Variants in CDH2 observed in about 807,000 individuals in gnomAD.
The protein encoded by CDH2 is cadherin 2, also known as cadherin-2.
CDH2 carries 17 observed loss-of-function variants against 92.0 expected under a neutral mutation model. That is an observed-to-expected ratio of 0.18 (90% CI 0.13 to 0.28). CDH2 has a LOEUF of 0.28. Among genes scored for constraint, CDH2 ranks in the 10% least tolerant of loss-of-function variants. CDH2 has a pLI of 1.00. For synonymous variants in CDH2, 419 were observed against 415.9 expected (o/e 1.01, Z -0.09); for missense variants, 862 against 1,133.1 (o/e 0.76, Z 3.44).
At chr18:27,989,504 A>G (rs1324003114) in intron 10 of CDH2, among the ~76,000 whole-genome samples, 1 of 152,224 alleles carries the variant, frequency 6.6e-6, no homozygotes, top group East Asian at 1.9e-4. Context: ...TTAATGAAAT[A>G]TAAGTTCATT....
At chr18:27,952,509 G>GAGAT in intron 15 of CDH2, 150 bp from the exon 16 acceptor site, 1 of 653,656 alleles carries the variant, frequency 1.5e-6, no homozygotes, top group Non-Finnish European at 2.6e-6. Flanking sequence ...ATGGAAAAGG[G>GAGAT]AGATATAACC....
chr18:27,998,015 C>T (rs1244594356), intron 7 of CDH2, among the ~76,000 whole-genome samples: 1 of 151,966 alleles, frequency 6.6e-6, no homozygotes, highest in South Asian at 2.1e-4. Flanking sequence ...ACCGTGTTAG[C>T]CAGGATGGTC....
At chr18:28,008,229 G>A (rs1000133527) in intron 5 of CDH2, among the ~76,000 whole-genome samples, 1 of 152,122 alleles carries the variant, frequency 6.6e-6, no homozygotes, top group Admixed American at 6.6e-5. Context: ...GTAGAGGCAG[G>A]TATATTGTGT....
intron 1 of CDH2, among the ~76,000 whole-genome samples, chr18:28,174,868 G>A (rs1189358137): frequency 3.9e-5 from 6 of 152,250 alleles, no homozygotes; most frequent in East Asian, 3.9e-4. Flanking sequence ...GATTCACACT[G>A]AGGATTTACT....
intron 14 of CDH2, among the ~76,000 whole-genome samples, chr18:27,975,049 A>G (rs2011780665): frequency 6.9e-6 from 1 of 145,196 alleles, no homozygotes; most frequent in South Asian, 2.1e-4. Flanking sequence ...TTTAAAACTT[A>G]AAAAAACACA....
At chr18:27,936,892 G>C (rs1909032817) in intron 6 of CDH2, among the ~76,000 whole-genome samples, 2 of 152,142 alleles carry the variant, frequency 1.3e-5, no homozygotes, top group Non-Finnish European at 2.9e-5. Context: ...AAAAAAACTT[G>C]AGGTAGGAGA....
At chr18:28,100,352 G>A (rs959526311) in intron 2 of CDH2, among the ~76,000 whole-genome samples, 14 of 152,272 alleles carry the variant, frequency 9.2e-5, no homozygotes, top group Non-Finnish European at 1.9e-4. Flanking sequence ...CTTTGAACTC[G>A]AACATCAGCT....
intron 2 of CDH2, among the ~76,000 whole-genome samples, chr18:28,144,619 TATAAG>T (rs2016006787): frequency 6.6e-6 from 1 of 151,910 alleles, no homozygotes; most frequent in Non-Finnish European, 1.5e-5. Flanking sequence ...CAGCACTACA[TATAAG>T]AGAGGAAAAT....
At chr18:28,021,893 T>G (rs1382902065) in intron 2 of CDH2, among the ~76,000 whole-genome samples, 1 of 152,022 alleles carries the variant, frequency 6.6e-6, no homozygotes, top group East Asian at 1.9e-4. Flanking sequence ...TCCATACTAA[T>G]TGCTATTTTC....
chr18:28,155,722 G>A (rs1395667990), intron 1 of CDH2, among the ~76,000 whole-genome samples: 1 of 152,184 alleles, frequency 6.6e-6, no homozygotes, highest in East Asian at 1.9e-4. Context: ...ATAGAGTAAT[G>A]ACACTGTTCG....
chr18:28,058,696 A>G (rs1235633450), intron 2 of CDH2, among the ~76,000 whole-genome samples: 2 of 152,182 alleles, frequency 1.3e-5, no homozygotes, highest in African/African-American at 2.4e-5. Context: ...GAGATTCCTT[A>G]GTATACTTAG....
chr18:27,984,120 T>TA (rs2012149096), intron 13 of CDH2, among the ~76,000 whole-genome samples: 1 of 152,132 alleles, frequency 6.6e-6, no homozygotes, highest in Admixed American at 6.5e-5. Flanking sequence ...ACACAGGAAG[T>TA]AAAAAATGCT....
intron 2 of CDH2, among the ~76,000 whole-genome samples, chr18:28,134,123 T>A: frequency 7.9e-6 from 1 of 126,506 alleles, no homozygotes. Flanking sequence ...ACTACAGTTC[T>A]GACTAAATTT....
intron 7 of CDH2, among the ~76,000 whole-genome samples, chr18:28,002,154 A>G (rs2012788589): frequency 6.6e-6 from 1 of 152,208 alleles, no homozygotes; most frequent in African/African-American, 2.4e-5. Context: ...GGTTTTCAGG[A>G]AAGAATATGA....
In CDH2 at chr18:28,176,998, G is replaced by A. The variant is rs1403830213; in HGVS notation, c.25C>T (p.Arg9Trp). 8.1e-6 allele frequency: 12 copies of A among 1,479,748 alleles called. No individual in the cohort carries two copies. The highest frequency in any genetic ancestry group is 1.1e-5 in the Non-Finnish European group (12 of 1,118,038). The allele number at this position is 1,479,748 out of a possible 1,614,324, so 91.7% of individuals were successfully genotyped here. A position where few individuals can be genotyped will look rare whatever the true frequency, so the allele number is the denominator to read the frequency against. ...GCCGCCAGCAGCGGCAGCAGGGTCC[G>A]CAGCGCTCCCGCTATCCGGCACATG... MCRIAGAL[R>W]TLLPLLAALL... The change falls in exon 1 of 16, where the codon CGG (arginine) becomes TGG (tryptophan). Residue 9 changes from arginine to tryptophan, a missense_variant. Arg to Trp is a moderately radical substitution (Grantham distance 101). This residue lies in a region of CDH2 where 159 missense variants were observed against 177.2 expected (regional missense o/e 0.90). Coordinates refer to ENST00000269141, the MANE Select transcript of CDH2 (RefSeq NM_001792.5).
At chr18:27,968,055 C>T (rs922428550) in intron 14 of CDH2, among the ~76,000 whole-genome samples, 1 of 152,178 alleles carries the variant, frequency 6.6e-6, no homozygotes, top group Non-Finnish European at 1.5e-5. Context: ...TATGGAATGT[C>T]TACTGGGTGC....
intron 2 of CDH2, among the ~76,000 whole-genome samples, chr18:28,133,581 C>CAAAAAAA (rs765999292): frequency 2.1e-5 from 1 of 47,246 alleles, no homozygotes; most frequent in Non-Finnish European, 4.2e-5. Flanking sequence ...GACTCTGTCT[C>CAAAAAAA]AAAAAAAAAA....
intron 2 of CDH2, among the ~76,000 whole-genome samples, chr18:28,069,163 G>T (rs1040038471): frequency 6.6e-6 from 1 of 152,110 alleles, no homozygotes; most frequent in African/African-American, 2.4e-5. Flanking sequence ...TTCACAACTT[G>T]TGCACAAAGT....
chr18:28,105,262 A>G lies in CDH2; in HGVS notation c.172+42411T>C, dbSNP rs375201086. Among the ~76,000 whole-genome samples the G allele has an allele frequency of 5.9e-5, 9 of 152,326 alleles. No homozygotes were observed. In the South Asian group the frequency reaches 1.0e-3, roughly 18 times the overall value. ...ACCAAAATGTTACTTCCAAATATAGATAACCTTCCATGACACAAAGCAAAT... is the reference window on the plus strand; with the variant it reads ...ACCAAAATGTTACTTCCAAATATAGGTAACCTTCCATGACACAAAGCAAAT... On this transcript the variant is annotated intron_variant, in intron 2 of 15. Transcript: ENST00000269141.
Sources: gnomAD v4.1 joint callset for allele counts (sites outside exome capture counted in the v4.1 genomes callset) on GRCh38, gnomAD v4.1.1 for gene constraint, gnomAD v4.1.1 regional missense constraint, MANE v1.5 for transcripts, NCBI Gene and HGNC (gene_info 2026-07-23, HGNC 2026-07-21) for gene names.